Variants in NEBL observed in about 807,000 individuals in gnomAD.
NEBL encodes the protein nebulette.
NEBL carries 122 observed loss-of-function variants against 140.2 expected under a neutral mutation model. The observed-to-expected ratio is 0.87, with a 90% confidence interval of 0.75 to 1.01. The LOEUF is 1.01. Among genes scored for constraint, NEBL ranks in the 50% least tolerant of loss-of-function variants. The probability of loss-of-function intolerance (pLI) is 0.00; values close to 1 mark genes in which losing one functional copy is unlikely to be tolerated. For synonymous variants in NEBL, 436 were observed against 398.9 expected, an observed-to-expected ratio of 1.09 and a Z score of -1.11; for missense variants, 1,365 against 1,231.3, an observed-to-expected ratio of 1.11 and a Z score of -1.62.
In NEBL at chr10:21,085,419, C is replaced by T. The variant is rs115254514; in HGVS notation, c.165-65218G>A. ...GAAGGACTGCTTGAAGCCAGGAGTT[C>T]GAGACCAGTCTGGGCAACAAAATGA... On this transcript the variant is annotated intron_variant, in intron 2 of 6. Transcript: ENST00000417816. Among the ~76,000 whole-genome samples the T allele has an allele frequency of 7.0e-3, 1,069 of 152,132 alleles. 12 individuals carry two copies. Among genetic ancestry groups the T allele is most frequent in the African/African-American group, 0.024 (1,002 of 41,478 alleles).
At chr10:20,890,124 A>G (rs1412360174) in intron 2 of NEBL, among the ~76,000 whole-genome samples, 175 bp from the exon 3 acceptor site, 1 of 152,156 alleles carries the variant, frequency 6.6e-6, no homozygotes, top group Non-Finnish European at 1.5e-5. Flanking sequence ...GATTGCAAAG[A>G]TGATGAGGCA....
Position 20,786,628 on chromosome 10 carries a change from C to T in NEBL, c.2868+574G>A, listed in dbSNP as rs537237467. ...AGAATTTTAGAGCAATTCAAGTTAC[C>T]GGACAGTGTAGAAGAGTTTTCTAGG... On this transcript the variant is annotated intron_variant, in intron 27 of 27. Coordinates refer to ENST00000377122, the MANE Select transcript of NEBL (RefSeq NM_006393.3). Among the ~76,000 whole-genome samples the T allele has an allele frequency of 1.8e-3, 279 of 152,200 alleles. 5 individuals are homozygous for T. In the South Asian group the frequency reaches 0.044, roughly 24 times the overall value.
intron 2 of NEBL, among the ~76,000 whole-genome samples, chr10:21,153,721 G>T (rs1840231149): frequency 6.6e-6 from 1 of 152,070 alleles, no homozygotes; most frequent in Middle Eastern, 3.4e-3. Context: ...TCACCATGTT[G>T]GTCAGGCTGG....
intron 1 of NEBL, among the ~76,000 whole-genome samples, chr10:21,288,820 G>GTGTGTATATACATATATATATATATATA (rs1477748950): frequency 5.7e-5 from 2 of 35,026 alleles, no homozygotes; most frequent in African/African-American, 1.9e-4. Flanking sequence ...GTGTGTGTGT[G>GTGTGTATATACATATATATATATATATA]TATATATATA....
At chr10:21,115,429 G>A (rs1454373090) in intron 2 of NEBL, among the ~76,000 whole-genome samples, 1 of 151,936 alleles carries the variant, frequency 6.6e-6, no homozygotes, top group Non-Finnish European at 1.5e-5. Context: ...TTCCTGTACT[G>A]ATGGTCAGCT....
rs975931407 is a variant in NEBL, at chr10:20,782,898, ATACT to A, written c.*2845_*2848del. 1.3e-5 allele frequency: 2 copies of A among 152,786 alleles called. No individual in the cohort carries two copies. Among genetic ancestry groups the A allele is most frequent in the Non-Finnish European group, 2.9e-5 (2 of 68,046 alleles). The allele number at this position is 152,786 out of a possible 1,614,324, so 9.5% of individuals were successfully genotyped here. On this transcript the variant is annotated 3_prime_UTR_variant, in exon 28 of 28. Coordinates refer to ENST00000377122, the MANE Select transcript of NEBL (RefSeq NM_006393.3). ...AACAAAAGCAATATATTCTGTTGCT[ATACT>A]TTGCTCAAGAGAGAGAGGATCCCTA...
chr10:20,844,466 G>A (rs1187040073), intron 12 of NEBL, among the ~76,000 whole-genome samples: 1 of 149,628 alleles, frequency 6.7e-6, no homozygotes, highest in Admixed American at 6.7e-5. Flanking sequence ...GAGTATATAA[G>A]CAGATTTGGA....
At chr10:21,152,535 A>G (rs746320556) in intron 2 of NEBL, among the ~76,000 whole-genome samples, 2 of 152,002 alleles carry the variant, frequency 1.3e-5, no homozygotes, top group Non-Finnish European at 2.9e-5. Context: ...TGATTATGCT[A>G]CTGCACTCCA....
At chr10:21,196,312 T>TA (rs1841647944) in intron 3 of NEBL, among the ~76,000 whole-genome samples, 4 of 111,106 alleles carry the variant, frequency 3.6e-5, no homozygotes, top group Non-Finnish European at 7.4e-5. Context: ...TATATTTTTA[T>TA]TTTTATTTAT....
chr10:21,262,914 A>C (rs1021248039), intron 1 of NEBL, among the ~76,000 whole-genome samples: 22 of 152,314 alleles, frequency 1.4e-4, no homozygotes, highest in Admixed American at 3.9e-4. Flanking sequence ...GAGATTATAC[A>C]AACGCAATAA....
intron 4 of NEBL, among the ~76,000 whole-genome samples, chr10:20,958,491 T>C (rs540053649): frequency 6.6e-6 from 1 of 152,160 alleles, no homozygotes; most frequent in South Asian, 2.1e-4. Context: ...TTATCTTCAA[T>C]TAAACGATTT....
chr10:21,270,472 T>C (rs1842848733), intron 1 of NEBL, among the ~76,000 whole-genome samples: 1 of 152,020 alleles, frequency 6.6e-6, no homozygotes, highest in Non-Finnish European at 1.5e-5. Flanking sequence ...GTTCAAGTGA[T>C]TCTCCTGCCT....
intron 2 of NEBL, among the ~76,000 whole-genome samples, chr10:20,894,619 A>ATTT (rs1847289880): frequency 6.6e-6 from 1 of 152,102 alleles, no homozygotes; most frequent in Non-Finnish European, 1.5e-5. Context: ...ACAGATATAA[A>ATTT]TTAAGCCAGA....
intron 5 of NEBL, among the ~76,000 whole-genome samples, chr10:20,870,325 C>CAA (rs35138107): frequency 0.28 from 30,571 of 107,430 alleles, 4,633 homozygotes; most frequent in South Asian, 0.37. Flanking sequence ...GACTTTATCT[C>CAA]AAAAAAAAAA....
At chr10:20,841,270 C>A in intron 12 of NEBL, 1 of 174,722 alleles carries the variant, frequency 5.7e-6, no homozygotes, top group Non-Finnish European at 1.2e-5. Flanking sequence ...GTGATGTAGC[C>A]AAAGGTTTTT....
intron 2 of NEBL, among the ~76,000 whole-genome samples, chr10:21,154,571 A>G (rs1202494272): frequency 1.3e-5 from 2 of 152,172 alleles, no homozygotes; most frequent in African/African-American, 2.4e-5. Context: ...ACAATATGAA[A>G]CAGAATATGA....
intron 3 of NEBL, among the ~76,000 whole-genome samples, chr10:21,235,595 G>A (rs770343926): frequency 3.3e-5 from 5 of 152,200 alleles, no homozygotes; most frequent in Non-Finnish European, 5.9e-5. Context: ...GATAACAGGC[G>A]TAAGCCACTG....
At chr10:21,019,034 C>A (rs1277022428) in intron 3 of NEBL, among the ~76,000 whole-genome samples, 2 of 152,054 alleles carry the variant, frequency 1.3e-5, no homozygotes, top group Non-Finnish European at 2.9e-5. Context: ...TCTCCCACCC[C>A]TCCCCCCAGA....
At chr10:20,977,989 A>G (rs137978366) in intron 3 of NEBL, among the ~76,000 whole-genome samples, 114 of 152,368 alleles carry the variant, frequency 7.5e-4, no homozygotes, top group African/African-American at 2.6e-3. Context: ...AATAGATTAC[A>G]TTGAAAATTA....
Sources: gnomAD v4.1 joint callset for allele counts (sites outside exome capture counted in the v4.1 genomes callset) on GRCh38, gnomAD v4.1.1 for gene constraint, MANE v1.5 for transcripts, NCBI Gene and HGNC (gene_info 2026-07-23, HGNC 2026-07-21) for gene names.